The following TRARG1 variants were observed in gnomAD, a reference collection of about 807,000 sequenced individuals.
The protein encoded by TRARG1 is trafficking regulator of GLUT4 (SLC2A4) 1 (gene/pseudogene).
Under a neutral mutation model 13.3 loss-of-function variants are expected in TRARG1, and 16 were observed. The ratio of observed to expected loss-of-function variants is 1.20; its 90% confidence interval spans 0.81 to 1.83. The LOEUF (loss-of-function observed/expected upper bound fraction) is 1.83. Ranked by LOEUF, TRARG1 falls within the 40% of genes most tolerant of loss-of-function variation. The pLI is 0.00. For missense variants in TRARG1, 250 were observed against 237.4 expected (o/e 1.05, Z -0.35); for synonymous variants, 113 against 106.2 (o/e 1.06, Z -0.39).
intron 1 of TRARG1, among the ~76,000 whole-genome samples, chr17:1,289,853 G>A (rs948884988): frequency 1.3e-5 from 2 of 152,068 alleles, no homozygotes; most frequent in African/African-American, 4.8e-5. Context: ...ACACTGCACG[G>A]CCCTCTTCCT....
rs2071959976 is a variant in TRARG1, at chr17:1,280,036, C to T, written c.35C>T (p.Ala12Val). The change falls in exon 1 of 3, where the codon GCA becomes GTA. Residue 12 changes from alanine (A) to valine (V), a missense_variant. Physicochemically the swap from Ala to Val is moderately conservative, Grantham distance 64. Transcript: ENST00000333813. The stretch of plus-strand genomic sequence containing the variant: ...CCGGTGCAGTCCGAGTTTCCTTCAG[C>T]ACAGGAGCCAGGCTCCGCCGCATTC... ...AHPVQSEFPS[A>V]QEPGSAAFLD... The T allele has an allele frequency of 1.2e-6, 2 of 1,613,168 alleles. No homozygotes were observed. Among genetic ancestry groups the T allele is most frequent in the East Asian group, 4.5e-5 (2 of 44,886 alleles).
chr17:1,295,489 A>G lies in TRARG1; in HGVS notation c.388-2A>G. The G allele has an allele frequency of 1.2e-6, 2 of 1,603,124 alleles. No individual in the cohort carries two copies. Among genetic ancestry groups the G allele is most frequent in the Non-Finnish European group, 1.7e-6 (2 of 1,175,200 alleles). ...CGGGGTCTCTCTGTGCTCTCTCCGCAGTCTCGAAGCAGCATGCAACAGGGC... is the reference window on the plus strand; with the variant it reads ...CGGGGTCTCTCTGTGCTCTCTCCGCGGTCTCGAAGCAGCATGCAACAGGGC... On this transcript the variant is annotated splice_acceptor_variant, in intron 1 of 2. Coordinates refer to ENST00000333813, the MANE Select transcript of TRARG1 (RefSeq NM_172367.3). LOFTEE classifies it high-confidence loss of function.
intron 1 of TRARG1, among the ~76,000 whole-genome samples, chr17:1,291,593 A>G (rs1045259750): frequency 2.6e-5 from 4 of 152,184 alleles, no homozygotes; most frequent in Admixed American, 1.3e-4. Context: ...AGTCTAGGGC[A>G]TGCCTTTATT....
intron 1 of TRARG1, among the ~76,000 whole-genome samples, chr17:1,282,072 A>G (rs1477702550): frequency 1.3e-4 from 20 of 150,354 alleles, no homozygotes; most frequent in Non-Finnish European, 4.5e-5. Context: ...GTATACACAT[A>G]TATACATATA....
intron 1 of TRARG1, among the ~76,000 whole-genome samples, chr17:1,293,678 G>A (rs1254329169): frequency 1.3e-5 from 2 of 152,200 alleles, no homozygotes; most frequent in Non-Finnish European, 2.9e-5. Context: ...GATGTCATGA[G>A]TTGAGTTTGA....
rs1489145361 is a variant in TRARG1, at chr17:1,298,579, C to T, written c.*315C>T. On this transcript the variant is annotated 3_prime_UTR_variant, in exon 3 of 3. Coordinates refer to ENST00000333813, the MANE Select transcript of TRARG1 (RefSeq NM_172367.3). The stretch of plus-strand genomic sequence containing the variant: ...CAATTTCCTGGGTTCCACCAAGCAG[C>T]GAAAACTGCCAGGATGAATGAGGAA... 9 of 364,040 alleles carry T rather than the reference C, an allele frequency of 2.5e-5. No individual in the cohort carries two copies. The highest frequency in any genetic ancestry group is 1.0e-4 in the South Asian group (1 of 9,652). 22.6% of individuals were successfully genotyped at this position (364,040 alleles called of 1,614,324 possible).
rs765481669 is a variant in TRARG1 at position 1,280,408 on chromosome 17, C to CCAGGGG, written c.387+28_387+33dup. 5.8e-6 allele frequency: 9 copies of CCAGGGG among 1,558,034 alleles called. No individual in the cohort carries two copies. The highest frequency in any genetic ancestry group is 7.8e-6 in the Non-Finnish European group (9 of 1,153,296). On this transcript the variant is annotated intron_variant, in intron 1 of 2. Coordinates refer to ENST00000333813, the MANE Select transcript of TRARG1 (RefSeq NM_172367.3). ...ATCATGGTAAGTGCTGGTCTTTGTT[C>CCAGGGG]CAGGGGCAGGGGCTGGGCCCAGGGG...
intron 1 of TRARG1, among the ~76,000 whole-genome samples, chr17:1,281,420 AC>A (rs1160928929): frequency 2.6e-5 from 4 of 151,800 alleles, no homozygotes; most frequent in Non-Finnish European, 5.9e-5. Context: ...CCATCACCGA[AC>A]CCCCAGGAGC....
Position 1,279,805 on chromosome 17 carries a change from G to GCC in TRARG1, c.-194_-193dup. ...GGAGCTCCGCGGGGGCAGCAGGCAG[G>GCC]CCCCAGCCTCTGAACTCAGCTGGCT... On this transcript the variant is annotated 5_prime_UTR_variant, in exon 1 of 3. Coordinates refer to ENST00000333813, the MANE Select transcript of TRARG1 (RefSeq NM_172367.3). 3.5e-6 allele frequency: 2 copies of GCC among 569,234 alleles called. No homozygotes were observed. Among genetic ancestry groups the GCC allele is most frequent in the Non-Finnish European group, 5.9e-6 (2 of 337,754 alleles). The allele number at this position is 569,234 out of a possible 1,614,324, so 35.3% of individuals were successfully genotyped here. A position where few individuals can be genotyped will look rare whatever the true frequency, so the allele number is the denominator to read the frequency against.
chr17:1,290,832 T>C (rs966952758), intron 1 of TRARG1, among the ~76,000 whole-genome samples: 3 of 151,956 alleles, frequency 2.0e-5, no homozygotes, highest in African/African-American at 7.3e-5. Context: ...GTGGAGGTCA[T>C]TGAATCATGG....
intron 1 of TRARG1, among the ~76,000 whole-genome samples, chr17:1,284,921 C>G (rs1463562254): frequency 6.6e-6 from 1 of 151,902 alleles, no homozygotes; most frequent in Non-Finnish European, 1.5e-5. Flanking sequence ...ACCTCGTGAT[C>G]CACCCGCCTC....
At chr17:1,292,792 C>T (rs2072082139) in intron 1 of TRARG1, among the ~76,000 whole-genome samples, 1 of 152,158 alleles carries the variant, frequency 6.6e-6, no homozygotes, top group Admixed American at 6.6e-5. Context: ...TGCCACCCAC[C>T]ACAGTTGCAT....
intron 1 of TRARG1, among the ~76,000 whole-genome samples, chr17:1,290,994 C>A (rs1383311979): frequency 6.6e-6 from 1 of 152,050 alleles, no homozygotes; most frequent in East Asian, 1.9e-4. Context: ...CAACCTCCAC[C>A]TCCCGGGTTC....
chr17:1,280,996 CA>C (rs1321388535), intron 1 of TRARG1, among the ~76,000 whole-genome samples: 1 of 152,218 alleles, frequency 6.6e-6, no homozygotes, highest in Non-Finnish European at 1.5e-5. Context: ...TCTGCAGCTC[CA>C]CAGCTACGCT....
chr17:1,300,093 T>C lies in TRARG1; in HGVS notation c.*1829T>C, dbSNP rs1389322373. ...GCTCATACAGAAGGGACTGGTTGGGTTTGCTTTATGGGATCTTTGAGACCA... is the reference window on the plus strand; with the variant it reads ...GCTCATACAGAAGGGACTGGTTGGGCTTGCTTTATGGGATCTTTGAGACCA... On this transcript the variant is annotated 3_prime_UTR_variant, in exon 3 of 3. Coordinates refer to ENST00000333813, the MANE Select transcript of TRARG1 (RefSeq NM_172367.3). 1 of 152,132 alleles carries C rather than the reference T, an allele frequency of 6.6e-6. No homozygotes were observed. The highest frequency in any genetic ancestry group is 1.5e-5 in the Non-Finnish European group (1 of 68,052). 9.4% of individuals were successfully genotyped at this position (152,132 alleles called of 1,614,324 possible).
At chr17:1,293,812 G>A (rs1204977829) in intron 1 of TRARG1, among the ~76,000 whole-genome samples, 1 of 152,056 alleles carries the variant, frequency 6.6e-6, no homozygotes, top group African/African-American at 2.4e-5. Context: ...GCAGTGAAGA[G>A]AACAGGACCC....
chr17:1,295,663 C>T (rs771490396), intron 2 of TRARG1, 40 bp downstream of exon 2: 1 of 1,589,360 alleles, frequency 6.3e-7, no homozygotes, highest in South Asian at 1.1e-5. Context: ...GCCAGCTTGC[C>T]TGGTGTGAGG....
intron 1 of TRARG1, among the ~76,000 whole-genome samples, chr17:1,295,193 C>G (rs1462814664): frequency 6.6e-6 from 1 of 152,234 alleles, no homozygotes; most frequent in Non-Finnish European, 1.5e-5. Flanking sequence ...CCCTCGGTCT[C>G]TAGCCTGCCA....
rs575124083 is a variant in TRARG1 at position 1,298,791 on chromosome 17, G to C, written c.*527G>C. 6.5e-6 allele frequency: 1 copy of C among 154,602 alleles called. No homozygotes were observed. The highest frequency in any genetic ancestry group is 2.4e-5 in the African/African-American group (1 of 41,440). 9.6% of individuals were successfully genotyped at this position (154,602 alleles called of 1,614,324 possible). On this transcript the variant is annotated 3_prime_UTR_variant, in exon 3 of 3. Coordinates refer to ENST00000333813, the MANE Select transcript of TRARG1 (RefSeq NM_172367.3). ...GGTGATCCCAGCCAGGGCCCCGAGC[G>C]CAGAGGCGGAGCTGTGCTCAGCACA...
Sources: gnomAD v4.1 joint callset for allele counts (sites outside exome capture counted in the v4.1 genomes callset) on GRCh38, gnomAD v4.1.1 for gene constraint, MANE v1.5 for transcripts, NCBI Gene and HGNC (gene_info 2026-07-23, HGNC 2026-07-21) for gene names.